ARHGAP35: variants seen among roughly 807,000 people sequenced by gnomAD.
The protein encoded by ARHGAP35 is Rho GTPase activating protein 35, also known as rho GTPase-activating protein 35.
ARHGAP35 carries 15 observed loss-of-function variants against 111.1 expected under a neutral mutation model. The observed-to-expected ratio is 0.13, with a 90% CI of 0.09 to 0.21. The LOEUF (loss-of-function observed/expected upper bound fraction) is 0.21, where lower values mean the gene tolerates loss of function less well. Ranked by LOEUF, ARHGAP35 falls within the 10% of genes least tolerant of loss-of-function variation. ARHGAP35 has a pLI of 1.00. For missense variants in ARHGAP35, 1,262 were observed against 1,873.0 expected (o/e 0.67, Z 6.02); for synonymous variants, 643 against 710.3 (o/e 0.91, Z 1.51).
At chr19:46,984,090 G>C (rs186046125) in intron 3 of ARHGAP35, among the ~76,000 whole-genome samples, 1 of 152,278 alleles carries the variant, frequency 6.6e-6, no homozygotes, top group East Asian at 1.9e-4. Context: ...AGTAGGGAGG[G>C]CTTTTAAAAA....
At position 47,001,385 on chromosome 19, in the gene ARHGAP35, T is replaced by G. The variant is rs1374545520; in HGVS notation, c.*697T>G. The G allele has an allele frequency of 7.8e-7, 1 of 1,289,244 alleles. No individual in the cohort carries two copies. The highest frequency in any genetic ancestry group is 1.0e-6 in the Non-Finnish European group (1 of 988,512). The allele number at this position is 1,289,244 out of a possible 1,614,324, so 79.9% of individuals were successfully genotyped here. ...AACAAAGGAACACTAGGAGAAAAAATGGAAAAACCCTTCCAGTAATTAAAA... is the reference window on the plus strand; with the variant it reads ...AACAAAGGAACACTAGGAGAAAAAAGGGAAAAACCCTTCCAGTAATTAAAA... On this transcript the variant is annotated 3_prime_UTR_variant, in exon 7 of 7. Coordinates refer to ENST00000672722, the MANE Select transcript of ARHGAP35 (RefSeq NM_004491.5). The surrounding 1 kb of genome is among the most constrained non-coding windows in gnomAD (Gnocchi z 5.4).
intron 1 of ARHGAP35, among the ~76,000 whole-genome samples, chr19:46,863,319 ATC>A (rs901056338): frequency 5.3e-5 from 8 of 152,234 alleles, no homozygotes; most frequent in Non-Finnish European, 1.2e-4. Context: ...ATCCTGAGAG[ATC>A]TGGGTAAATA....
At chr19:46,944,268 C>T (rs2122236195) in intron 3 of ARHGAP35, among the ~76,000 whole-genome samples, 1 of 148,268 alleles carries the variant, frequency 6.7e-6, no homozygotes, top group Non-Finnish European at 1.5e-5. Context: ...CACTGCACTC[C>T]AGCATGGGCG....
chr19:46,893,884 C>CTT (rs2056039424), intron 1 of ARHGAP35, among the ~76,000 whole-genome samples: 1 of 132,084 alleles, frequency 7.6e-6, no homozygotes, highest in Non-Finnish European at 1.7e-5. Flanking sequence ...TTCGTTCTTT[C>CTT]TCTTTTTTTT....
chr19:46,879,709 G>A (rs987267125), intron 1 of ARHGAP35, among the ~76,000 whole-genome samples: 10 of 151,036 alleles, frequency 6.6e-5, no homozygotes, highest in Non-Finnish European at 1.0e-4. Flanking sequence ...GCTTGAACCC[G>A]GGAGGCTGAG....
In ARHGAP35 at chr19:47,000,941, G is replaced by A; in HGVS notation, c.*253G>A. 6.6e-7 allele frequency: 1 copy of A among 1,524,282 alleles called. No homozygotes were observed. The highest frequency in any genetic ancestry group is 1.2e-5 in the South Asian group (1 of 83,100). The allele number at this position is 1,524,282 out of a possible 1,614,324, so 94.4% of individuals were successfully genotyped here. Reference sequence around the variant, plus strand: ...CTGAACTAGGCAGGCAATGGCTCCAGTGCCCTCCCTCTGTTCCCTGGACCA... The same window carrying A: ...CTGAACTAGGCAGGCAATGGCTCCAATGCCCTCCCTCTGTTCCCTGGACCA... On this transcript the variant is annotated 3_prime_UTR_variant, in exon 7 of 7. Transcript: ENST00000672722. This position sits in a 1 kb window ranked among gnomAD's most constrained non-coding sequence, Gnocchi z 6.9.
At position 46,919,705 on chromosome 19, in the gene ARHGAP35, C is replaced by G; in HGVS notation, c.1030C>G (p.Leu344Val). Residue 344 changes from leucine to valine, a missense_variant, in exon 2 of 7, where the codon CTG (leucine) becomes GTG (valine). Physicochemically the swap from Leu to Val is conservative, Grantham distance 32. Around this residue, in one of 8 missense-constraint regions of ARHGAP35, gnomAD observed 328 missense variants for 440.8 expected, o/e 0.74. Coordinates refer to ENST00000672722, the MANE Select transcript of ARHGAP35 (RefSeq NM_004491.5). The surrounding 1 kb of genome is among the most constrained non-coding windows in gnomAD (Gnocchi z 6.2). ...ERRRKLYLAA[L>V]PLAFEALIPN... ...TAGGAGAAAGCTGTACCTGGCAGCC[C>G]TGCCATTAGCTTTTGAAGCTCTTAT... is the stretch of plus-strand genomic sequence containing the variant. 6.2e-7 allele frequency: 1 copy of G among 1,613,990 alleles called. No individual in the cohort carries two copies. Among genetic ancestry groups the G allele is most frequent in the Non-Finnish European group, 8.5e-7 (1 of 1,179,894 alleles).
chr19:46,862,312 C>T lies in ARHGAP35; in HGVS notation c.-189+1103C>T, dbSNP rs954000410. ...TCAGCCCGTGTTCTCTTGGAGGTTT[C>T]CTCTCTTCCCCACCTCCTTTTTGGC... On this transcript the variant is annotated intron_variant, in intron 1 of 6. Transcript: ENST00000672722. Among the ~76,000 whole-genome samples the T allele has an allele frequency of 2.6e-5, 4 of 152,242 alleles. No individual in the cohort carries two copies. The East Asian group carries it at 5.8e-4, about 22-fold the overall frequency.
chr19:46,897,588 G>C (rs2056064158), intron 1 of ARHGAP35, among the ~76,000 whole-genome samples: 1 of 151,906 alleles, frequency 6.6e-6, no homozygotes, highest in Non-Finnish European at 1.5e-5. Context: ...TCAAGAGCCA[G>C]GGGATTTGAG....
chr19:46,971,342 G>C (rs570670483), intron 3 of ARHGAP35, among the ~76,000 whole-genome samples: 1 of 151,984 alleles, frequency 6.6e-6, no homozygotes, highest in Admixed American at 6.6e-5. Flanking sequence ...GGAGGCAGAG[G>C]TTGCAGTGAA....
rs527587044 is a variant in ARHGAP35, at chr19:46,999,524, G to A, written c.4142+115G>A. On this transcript the variant is annotated intron_variant, in intron 6 of 6. Coordinates refer to ENST00000672722, the MANE Select transcript of ARHGAP35 (RefSeq NM_004491.5). The surrounding 1 kb of genome is among the most constrained non-coding windows in gnomAD (Gnocchi z 5.4). ...CAGTAGAAGCCTCAGGCCCTGGCCT[G>A]GAAGGGGTGCTGGCTGGCCTCCCAT... 70 of 719,976 alleles carry A rather than the reference G, an allele frequency of 9.7e-5. No homozygotes were observed. The East Asian group carries it at 1.9e-3, about 19-fold the overall frequency. The allele number at this position is 719,976 out of a possible 1,614,324, so 44.6% of individuals were successfully genotyped here.
At chr19:46,983,984 T>C (rs2056635466) in intron 3 of ARHGAP35, among the ~76,000 whole-genome samples, 1 of 152,236 alleles carries the variant, frequency 6.6e-6, no homozygotes, top group Non-Finnish European at 1.5e-5. Context: ...CTACATGGCC[T>C]TGTTCAGATA....
chr19:46,905,209 T>G (rs1473623812), intron 1 of ARHGAP35, among the ~76,000 whole-genome samples: 1 of 152,118 alleles, frequency 6.6e-6, no homozygotes, highest in Admixed American at 6.5e-5. Flanking sequence ...TTTTTGAACT[T>G]CTTAAAAACA....
chr19:46,923,358 C>A (rs2056217266), intron 2 of ARHGAP35, among the ~76,000 whole-genome samples: 1 of 152,040 alleles, frequency 6.6e-6, no homozygotes, highest in Admixed American at 6.5e-5. Context: ...TCGTGATCCG[C>A]CCGCCTTGGT....
chr19:46,872,708 G>A (rs957202426), intron 1 of ARHGAP35, among the ~76,000 whole-genome samples: 8 of 151,820 alleles, frequency 5.3e-5, no homozygotes, highest in Non-Finnish European at 1.0e-4. Context: ...GTGAAACTCC[G>A]TCTCTACTAA....
rs554623553 is a variant in ARHGAP35, at chr19:46,975,907, T to A, written c.3827-12082T>A. ...ACTATTTCCCTGCAGTCAGCCTAGATCTATGTAATTCTGTCTTTCAGAGAA... is the reference window on the plus strand; with the variant it reads ...ACTATTTCCCTGCAGTCAGCCTAGAACTATGTAATTCTGTCTTTCAGAGAA... On this transcript the variant is annotated intron_variant, in intron 3 of 6. Coordinates refer to ENST00000672722, the MANE Select transcript of ARHGAP35 (RefSeq NM_004491.5). Among the ~76,000 whole-genome samples, 168 of 152,304 alleles carry A rather than the reference T, an allele frequency of 1.1e-3. 1 individual carries two copies. Among genetic ancestry groups the A allele is most frequent in the Non-Finnish European group, 2.0e-3 (134 of 68,028 alleles).
intron 1 of ARHGAP35, among the ~76,000 whole-genome samples, chr19:46,889,750 C>CAAAA (rs5828291): frequency 3.2e-4 from 27 of 85,170 alleles, no homozygotes; most frequent in Non-Finnish European, 5.0e-4. Flanking sequence ...GACTCCGTCT[C>CAAAA]AAAAAAAAAA....
chr19:46,961,975 A>G (rs2056485609), intron 3 of ARHGAP35, among the ~76,000 whole-genome samples: 1 of 151,812 alleles, frequency 6.6e-6, no homozygotes, highest in Non-Finnish European at 1.5e-5. Flanking sequence ...AGAGAAAGAG[A>G]GAAAGGAAGG....
chr19:46,892,101 C>T lies in ARHGAP35; in HGVS notation c.-188-26387C>T, dbSNP rs1392557102. Among the ~76,000 whole-genome samples the T allele has an allele frequency of 3.2e-5, 4 of 125,770 alleles. No homozygotes were observed. In the East Asian group the frequency reaches 6.8e-4, roughly 21 times the overall value. 82.5% of individuals were successfully genotyped at this position (125,770 alleles called of 152,430 possible). A position where few individuals can be genotyped will look rare whatever the true frequency, so the allele number is the denominator to read the frequency against. On this transcript the variant is annotated intron_variant, in intron 1 of 6. Coordinates refer to ENST00000672722, the MANE Select transcript of ARHGAP35 (RefSeq NM_004491.5). ...AGGAGTTCGAGACCAGCCTGGCCAA[C>T]GTAGTGAAACCCTGTCTCTACTAAA...
Sources: gnomAD v4.1 joint callset for allele counts (sites outside exome capture counted in the v4.1 genomes callset) on GRCh38, gnomAD v4.1.1 for gene constraint, gnomAD v4.1.1 regional missense constraint, Gnocchi (gnomAD v3.1) non-coding constraint, MANE v1.5 for transcripts, NCBI Gene and HGNC (gene_info 2026-07-23, HGNC 2026-07-21) for gene names.